DMD: variants seen among roughly 807,000 people sequenced by gnomAD.
DMD encodes the protein mutant dystrophin.
DMD carries 63 observed loss-of-function variants against 330.1 expected under a neutral mutation model. The ratio of observed to expected loss-of-function variants is 0.19; its 90% CI spans 0.16 to 0.24. The LOEUF is 0.24. Ranked by LOEUF, DMD falls within the 10% of genes least tolerant of loss-of-function variation. The probability of loss-of-function intolerance (pLI) is 1.00; values close to 1 mark genes in which losing one functional copy is unlikely to be tolerated. For missense variants in DMD, 3,344 were observed against 2,684.1 expected, an observed-to-expected ratio of 1.25 and a Z score of -5.43; for synonymous variants, 1,223 against 959.8, an observed-to-expected ratio of 1.27 and a Z score of -5.07.
intron 60 of DMD, among the ~76,000 whole-genome samples, chrX:31,429,644 T>C (rs1261437539): frequency 9.0e-6 from 1 of 111,727 alleles, no homozygotes; most frequent in Admixed American, 9.5e-5. Flanking sequence ...AGCTTTGAAC[T>C]TCTTGCAGAA....
At chrX:31,340,322 G>T (rs2057659493) in intron 61 of DMD, among the ~76,000 whole-genome samples, 1 of 112,466 alleles carries the variant, frequency 8.9e-6, no homozygotes, top group Non-Finnish European at 1.9e-5. Context: ...AAGGAAATTT[G>T]TCTTTCAGAG....
rs139482628 is a variant in DMD at position 32,572,211 on chromosome X, C to T, written c.1812+1319G>A. On this transcript the variant is annotated intron_variant, in intron 15 of 78. Transcript: ENST00000357033. ...GTGAATCTATTTTAAATTAAAAGAC[C>T]AATGAGGGTTAGCATTTATGGAGCA... 2.7e-4 allele frequency among the ~76,000 whole-genome samples: 30 copies of T among 110,366 alleles called. No individual in the cohort carries two copies. In the East Asian group the frequency reaches 7.6e-3, roughly 28 times the overall value.
chrX:33,172,014 A>T (rs2049374590), intron 1 of DMD, among the ~76,000 whole-genome samples: 1 of 111,207 alleles, frequency 9.0e-6, no homozygotes, highest in Non-Finnish European at 1.9e-5. Context: ...CAAACAAAAA[A>T]TGTACTGAAT....
chrX:32,781,053 G>C (rs1215570411), intron 7 of DMD, among the ~76,000 whole-genome samples: 1 of 107,980 alleles, frequency 9.3e-6, no homozygotes, highest in Non-Finnish European at 1.9e-5. Context: ...GGGAGGCGGA[G>C]CTTGCAGTGA....
intron 52 of DMD, among the ~76,000 whole-genome samples, chrX:31,697,958 A>G: frequency 8.9e-6 from 1 of 112,219 alleles, no homozygotes; most frequent in Admixed American, 9.5e-5. Flanking sequence ...AATAATGACA[A>G]CTGCAGAACC....
At chrX:32,188,214 C>G (rs775027231) in intron 44 of DMD, among the ~76,000 whole-genome samples, 1 of 109,155 alleles carries the variant, frequency 9.2e-6, no homozygotes, top group Non-Finnish European at 1.9e-5. Context: ...CTCCATTAGT[C>G]ATATATTTTT....
At chrX:33,019,409 A>T (rs2093870293) in intron 2 of DMD, among the ~76,000 whole-genome samples, 1 of 111,533 alleles carries the variant, frequency 9.0e-6, no homozygotes, top group Non-Finnish European at 1.9e-5. Flanking sequence ...TTCATGATGG[A>T]AACATAAGAA....
rs752478895 is a variant in DMD at position 31,681,907 on chromosome X, G to A, written c.7661-2321C>T. Among the ~76,000 whole-genome samples, 9 of 111,509 alleles carry A rather than the reference G, an allele frequency of 8.1e-5. No homozygotes were observed. In the South Asian group the frequency reaches 3.0e-3, roughly 38 times the overall value. ...TCAGGAGTTCGAGACCAGCCTGACC[G>A]ACATGCTGAAACCCAGTCTCTACTA... On this transcript the variant is annotated intron_variant, in intron 52 of 78. Coordinates refer to ENST00000357033, the MANE Select transcript of DMD (RefSeq NM_004006.3).
At position 32,773,523 on chromosome X, in the gene DMD, T is replaced by A. The variant is rs1009868776; in HGVS notation, c.649+35970A>T. 1.7e-3 allele frequency among the ~76,000 whole-genome samples: 188 copies of A among 108,043 alleles called. 2 individuals carry two copies. Among genetic ancestry groups the A allele is most frequent in the African/African-American group, 5.2e-3 (155 of 29,765 alleles). 93.8% of individuals were successfully genotyped at this position (108,043 alleles called of 115,157 possible). On this transcript the variant is annotated intron_variant, in intron 7 of 78. Coordinates refer to ENST00000357033, the MANE Select transcript of DMD (RefSeq NM_004006.3). ...TCTAACTATATACTTTTTATTTTTT[T>A]TTTTTTTTTTACCTATTTACCACTC...
At chrX:32,423,359 G>GAT (rs1437059941) in intron 29 of DMD, among the ~76,000 whole-genome samples, 32 of 107,917 alleles carry the variant, frequency 3.0e-4, no homozygotes, top group African/African-American at 1.0e-3. Context: ...CATTCACAAA[G>GAT]ATATTAATGC....
At chrX:32,635,715 T>C (rs779188421) in intron 11 of DMD, among the ~76,000 whole-genome samples, 3 of 111,705 alleles carry the variant, frequency 2.7e-5, no homozygotes, top group Non-Finnish European at 3.8e-5. Flanking sequence ...ATTTTTCAAC[T>C]CCCAAGATTT....
At chrX:33,022,377 C>T (rs1197510341) in intron 1 of DMD, among the ~76,000 whole-genome samples, 6 of 110,756 alleles carry the variant, frequency 5.4e-5, no homozygotes, top group Non-Finnish European at 9.5e-5. Flanking sequence ...ACATTATGTG[C>T]AAAGTGTTAC....
chrX:32,867,827 A>T (rs887248741), intron 2 of DMD, among the ~76,000 whole-genome samples: 1 of 111,903 alleles, frequency 8.9e-6, no homozygotes, highest in Non-Finnish European at 1.9e-5. Context: ...TTAAATTTAA[A>T]TAATGGCTCG....
At chrX:31,420,891 C>T (rs991331760) in intron 60 of DMD, among the ~76,000 whole-genome samples, 3 of 112,312 alleles carry the variant, frequency 2.7e-5, no homozygotes, top group African/African-American at 6.5e-5. Flanking sequence ...TTACAAGAGT[C>T]CTGTCTGGCT....
chrX:33,097,753 T>C (rs778095226), intron 1 of DMD, among the ~76,000 whole-genome samples: 1 of 108,350 alleles, frequency 9.2e-6, no homozygotes, highest in South Asian at 4.1e-4. Context: ...GCAGCTGAGA[T>C]TACAGGCACT....
intron 51 of DMD, among the ~76,000 whole-genome samples, chrX:31,771,186 TC>T (rs1248709577): frequency 9.0e-6 from 1 of 110,567 alleles, no homozygotes; most frequent in African/African-American, 3.3e-5. Context: ...ATTTCCCCTC[TC>T]ACACACATTT....
At chrX:31,714,474 C>T (rs1479490170) in intron 52 of DMD, among the ~76,000 whole-genome samples, 1 of 111,441 alleles carries the variant, frequency 9.0e-6, no homozygotes, top group Non-Finnish European at 1.9e-5. Context: ...ATTATATTAT[C>T]TTAAGATTCC....
rs373475448 is a variant in DMD, at chrX:32,518,049, G to T, written c.2251C>A (p.Arg751=). ...VLQSPEFAIF[R]KEGNFSDLKE... ...AAGTCTGAGAAGTTGCCTTCCTTCC[G>T]AAAGATTGCAAATTCAGGACTCTGC... Residue 751 remains arginine, a synonymous_variant, in exon 18 of 79, where the codon CGG becomes AGG. Coordinates refer to ENST00000357033, the MANE Select transcript of DMD (RefSeq NM_004006.3). 31 of 1,208,250 alleles carry T rather than the reference G, an allele frequency of 2.6e-5. No homozygotes were observed. Among genetic ancestry groups the T allele is most frequent in the Non-Finnish European group, 3.5e-5 (31 of 894,067 alleles).
intron 4 of DMD, among the ~76,000 whole-genome samples, chrX:32,826,977 TA>T (rs1328708956): frequency 2.0e-5 from 2 of 102,031 alleles, no homozygotes; most frequent in Non-Finnish European, 2.0e-5. Context: ...AATTAAAAAA[TA>T]AAAAATAGTT....
Sources: allele counts gnomAD v4.1 joint callset (sites outside exome capture counted in the v4.1 genomes callset), GRCh38; gene constraint gnomAD v4.1.1; transcripts MANE v1.5; gene names NCBI Gene and HGNC (gene_info 2026-07-23, HGNC 2026-07-21).